Variants in UBXN7 observed in about 807,000 individuals in gnomAD.
UBXN7 encodes the protein UBX domain protein 7.
Under a neutral mutation model 58.0 loss-of-function variants are expected in UBXN7, and 9 were observed. That is an observed-to-expected ratio of 0.16 (90% CI 0.09 to 0.27). The LOEUF (loss-of-function observed/expected upper bound fraction) is 0.27, where lower values mean the gene tolerates loss of function less well. Among genes scored for constraint, UBXN7 ranks in the 10% least tolerant of loss-of-function variants. The pLI, the probability that UBXN7 is intolerant of heterozygous loss-of-function variation, is 1.00. For synonymous variants in UBXN7, 208 were observed against 205.0 expected, an observed-to-expected ratio of 1.01 and a Z score of -0.12; for missense variants, 328 against 599.6, an observed-to-expected ratio of 0.55 and a Z score of 4.73.
chr3:196,426,717 G>A (rs919053087), intron 1 of UBXN7, among the ~76,000 whole-genome samples: 2 of 151,770 alleles, frequency 1.3e-5, no homozygotes, highest in African/African-American at 4.8e-5. Context: ...GCGTGGTGGC[G>A]CATGCCTGTA....
At chr3:196,409,948 T>G (rs1051806873) in intron 1 of UBXN7, among the ~76,000 whole-genome samples, 3 of 151,878 alleles carry the variant, frequency 2.0e-5, no homozygotes, top group African/African-American at 7.3e-5. Flanking sequence ...AACTTTTTTT[T>G]TTTTTTTTTG....
At chr3:196,373,415 T>A (rs1305743933) in intron 5 of UBXN7, among the ~76,000 whole-genome samples, 5 of 152,182 alleles carry the variant, frequency 3.3e-5, no homozygotes, top group African/African-American at 1.2e-4. Context: ...TGGAAAACAA[T>A]GGCAGAAAAG....
rs1406269960 is a variant in UBXN7 at position 196,355,815 on chromosome 3, A to G, written c.*870T>C. 6.6e-6 allele frequency: 1 copy of G among 152,244 alleles called. No homozygotes were observed. Among genetic ancestry groups the G allele is most frequent in the Non-Finnish European group, 1.5e-5 (1 of 68,060 alleles). The allele number at this position is 152,244 out of a possible 1,614,324, so 9.4% of individuals were successfully genotyped here. On this transcript the variant is annotated 3_prime_UTR_variant, in exon 11 of 11. Transcript: ENST00000296328. ...TTGACCAGCTGCCTTCCTACAGATC[A>G]CTGCAGACTCAGACAATGGAGGGCT...
intron 7 of UBXN7, among the ~76,000 whole-genome samples, chr3:196,368,587 A>C (rs1728732436): frequency 6.6e-6 from 1 of 152,228 alleles, no homozygotes; most frequent in Admixed American, 6.5e-5. Context: ...TAGTGTCTTC[A>C]TAACCTAGAA....
At position 196,356,577 on chromosome 3, in the gene UBXN7, G is replaced by T; in HGVS notation, c.*108C>A. Reference sequence around the variant, plus strand: ...ATAAGAGAAGGAAGGTGACTTGCTTGCCCAACTTTGGCTCTGTGGTCCTAT... The same window carrying T: ...ATAAGAGAAGGAAGGTGACTTGCTTTCCCAACTTTGGCTCTGTGGTCCTAT... On this transcript the variant is annotated 3_prime_UTR_variant, in exon 11 of 11. Coordinates refer to ENST00000296328, the MANE Select transcript of UBXN7 (RefSeq NM_015562.2). 1 of 1,240,554 alleles carries T rather than the reference G, an allele frequency of 8.1e-7. No individual in the cohort carries two copies. The highest frequency in any genetic ancestry group is 1.1e-6 in the Non-Finnish European group (1 of 900,086). 76.8% of individuals were successfully genotyped at this position (1,240,554 alleles called of 1,614,324 possible).
intron 5 of UBXN7, among the ~76,000 whole-genome samples, chr3:196,379,423 C>G (rs191590870): frequency 1.3e-5 from 2 of 152,148 alleles, no homozygotes; most frequent in African/African-American, 4.8e-5. Flanking sequence ...TAGGTCTCAG[C>G]CTTATTTTAC....
At chr3:196,378,751 ATTTTAG>A (rs1729109897) in intron 5 of UBXN7, among the ~76,000 whole-genome samples, 3 of 149,858 alleles carry the variant, frequency 2.0e-5, no homozygotes, top group South Asian at 2.1e-4. Context: ...GTTTTGGGGG[ATTTTAG>A]CCAGCTTCTT....
intron 1 of UBXN7, among the ~76,000 whole-genome samples, chr3:196,418,113 T>C (rs1247043587): frequency 6.6e-6 from 1 of 151,978 alleles, no homozygotes; most frequent in Non-Finnish European, 1.5e-5. Context: ...GGTGGGAGCC[T>C]GTAATCCCAG....
intron 5 of UBXN7, among the ~76,000 whole-genome samples, chr3:196,376,580 A>G (rs1308528417): frequency 6.6e-6 from 1 of 151,198 alleles, no homozygotes; most frequent in African/African-American, 2.4e-5. Flanking sequence ...AAAAGAAAAG[A>G]AAAAGGAAAA....
chr3:196,406,716 T>C (rs1730173698), intron 2 of UBXN7, among the ~76,000 whole-genome samples: 1 of 152,182 alleles, frequency 6.6e-6, no homozygotes, highest in Admixed American at 6.5e-5. Context: ...AGTGCCGGGA[T>C]TACAGGCATG....
In UBXN7 at chr3:196,432,421, G is replaced by A. The variant is rs1553856222; in HGVS notation, c.-22C>T. ...CCATCTTACCGCCGCCGCCGCCGCC[G>A]AACAACAACACAGACACACACGGAC... On this transcript the variant is annotated 5_prime_UTR_variant, in exon 1 of 11. Transcript: ENST00000296328. 1 of 1,579,206 alleles carries A rather than the reference G, an allele frequency of 6.3e-7. No homozygotes were observed. The highest frequency in any genetic ancestry group is 8.6e-7 in the Non-Finnish European group (1 of 1,159,132).
chr3:196,412,245 AAAAAG>A (rs1730354768), intron 1 of UBXN7, among the ~76,000 whole-genome samples: 1 of 104,406 alleles, frequency 9.6e-6, no homozygotes, highest in Non-Finnish European at 2.0e-5. Flanking sequence ...AAAAAAAAAA[AAAAAG>A]AAAAAAGAAA....
At position 196,401,823 on chromosome 3, in the gene UBXN7, G is replaced by GAGAGAAGAGAAGCGAAGAGAAGAGA. The variant is rs1553853054; in HGVS notation, c.289+1128_289+1129insTCTCTTCTCTTCGCTTCTCTTCTCT. ...AGGAAAGAAAGAAAAGAAAAGAGAA[G>GAGAGAAGAGAAGCGAAGAGAAGAGA]AGAGAAGAGAAGAGAAGAGAAGAGA... is the stretch of plus-strand genomic sequence containing the variant. On this transcript the variant is annotated intron_variant, in intron 3 of 10. Transcript: ENST00000296328. 5.8e-5 allele frequency among the ~76,000 whole-genome samples: 7 copies of GAGAGAAGAGAAGCGAAGAGAAGAGA among 120,346 alleles called. No individual in the cohort carries two copies. In the East Asian group the frequency reaches 1.1e-3, roughly 18 times the overall value. 79.0% of individuals were successfully genotyped at this position (120,346 alleles called of 152,430 possible). A position where few individuals can be genotyped will look rare whatever the true frequency, so the allele number is the denominator to read the frequency against.
chr3:196,370,389 C>T (rs1390838595), intron 6 of UBXN7, among the ~76,000 whole-genome samples: 2 of 150,280 alleles, frequency 1.3e-5, no homozygotes, highest in Non-Finnish European at 3.0e-5. Flanking sequence ...GGGGTTAGAG[C>T]CTGCAGTGAG....
At position 196,369,452 on chromosome 3, in the gene UBXN7, G is replaced by A. The variant is rs1728757839; in HGVS notation, c.675C>T (p.Phe225=). ...GTGGGTCCAATATGGAAACATAGGGGAAATCCCCTAACTTATAAAACTGTA... is the reference window on the plus strand; with the variant it reads ...GTGGGTCCAATATGGAAACATAGGGAAAATCCCCTAACTTATAAAACTGTA... ...RYIQFYKLGD[F]PYVSILDPRT... Residue 225 remains phenylalanine (F), a synonymous_variant, in exon 7 of 11, where the codon TTC becomes TTT. Transcript: ENST00000296328. 1 of 1,613,254 alleles carries A rather than the reference G, an allele frequency of 6.2e-7. No homozygotes were observed. The highest frequency in any genetic ancestry group is 8.5e-7 in the Non-Finnish European group (1 of 1,179,612).
intron 5 of UBXN7, among the ~76,000 whole-genome samples, chr3:196,378,752 T>C (rs112933965): frequency 0.067 from 10,120 of 151,994 alleles, 436 homozygotes; most frequent in Middle Eastern, 0.15. Context: ...TTTTGGGGGA[T>C]TTTAGCCAGC....
rs552096223 is a variant in UBXN7 at position 196,388,715 on chromosome 3, C to T, written c.468+3098G>A. ...ATTTACATCTAATATGAGGAACAAACCTATGGGCCCTCCTTGGTCAGCCAA... is the reference window on the plus strand; with the variant it reads ...ATTTACATCTAATATGAGGAACAAATCTATGGGCCCTCCTTGGTCAGCCAA... On this transcript the variant is annotated intron_variant, in intron 5 of 10. Coordinates refer to ENST00000296328, the MANE Select transcript of UBXN7 (RefSeq NM_015562.2). 1.2e-4 allele frequency among the ~76,000 whole-genome samples: 18 copies of T among 152,202 alleles called. No homozygotes were observed. In the East Asian group the frequency reaches 2.9e-3, roughly 24 times the overall value.
At chr3:196,375,094 G>C (rs951234700) in intron 5 of UBXN7, among the ~76,000 whole-genome samples, 1 of 150,730 alleles carries the variant, frequency 6.6e-6, no homozygotes, top group Non-Finnish European at 1.5e-5. Flanking sequence ...AATAAGTCTA[G>C]AGATCTCATG....
At chr3:196,386,380 T>TAAAA (rs34268326) in intron 5 of UBXN7, among the ~76,000 whole-genome samples, 4 of 57,724 alleles carry the variant, frequency 6.9e-5, no homozygotes, top group African/African-American at 1.4e-4. Flanking sequence ...TAATAAACAC[T>TAAAA]AAAAAAAAAA....
Sources: gnomAD v4.1 joint callset for allele counts (sites outside exome capture counted in the v4.1 genomes callset) on GRCh38, gnomAD v4.1.1 for gene constraint, MANE v1.5 for transcripts, NCBI Gene and HGNC (gene_info 2026-07-23, HGNC 2026-07-21) for gene names.